Variants in ZNF81 observed in about 807,000 individuals in gnomAD.
ZNF81 encodes zinc finger protein 81 (HFZ20).
In ZNF81, 5 loss-of-function variants were observed where a neutral mutation model predicts 32.3. That is an observed-to-expected ratio of 0.15 (90% confidence interval 0.08 to 0.33). The LOEUF (loss-of-function observed/expected upper bound fraction) is 0.33, where lower values mean the gene tolerates loss of function less well. Ranked by LOEUF, ZNF81 falls within the 10% of genes least tolerant of loss-of-function variation. The probability of loss-of-function intolerance (pLI) is 1.00; values close to 1 mark genes in which losing one functional copy is unlikely to be tolerated. For missense variants in ZNF81, 379 were observed against 479.8 expected, an observed-to-expected ratio of 0.79 and a Z score of 1.96; for synonymous variants, 163 against 166.8, an observed-to-expected ratio of 0.98 and a Z score of 0.17.
At chrX:47,892,904 A>G (rs1369561994) in intron 3 of ZNF81, among the ~76,000 whole-genome samples, 1 of 112,270 alleles carries the variant, frequency 8.9e-6, no homozygotes, top group Non-Finnish European at 1.9e-5. Context: ...CTCTTAAGGG[A>G]ATTGGCAGTG....
At chrX:47,863,644 A>G (rs1386411798) in intron 2 of ZNF81, among the ~76,000 whole-genome samples, 2 of 112,002 alleles carry the variant, frequency 1.8e-5, no homozygotes, top group Non-Finnish European at 3.8e-5. Context: ...GTGATTGACT[A>G]TTCTACAAGG....
At chrX:47,882,015 G>A (rs1355457732) in intron 2 of ZNF81, among the ~76,000 whole-genome samples, 2 of 111,253 alleles carry the variant, frequency 1.8e-5, no homozygotes, top group African/African-American at 6.5e-5. Context: ...GGCCTCAAGC[G>A]ATCCTCCCAA....
chrX:47,841,020 C>T (rs539233401), intron 1 of ZNF81: 32 of 846,608 alleles, frequency 3.8e-5, no homozygotes, highest in African/African-American at 1.0e-4. Flanking sequence ...CAGGTGTGCC[C>T]GTCTCCTTGA....
Position 47,891,395 on chromosome X carries a change from G to T in ZNF81, c.181+3270G>T, listed in dbSNP as rs1373918027. Among the ~76,000 whole-genome samples, 4 of 112,289 alleles carry T rather than the reference G, an allele frequency of 3.6e-5. No individual in the cohort carries two copies. In the Admixed American group the frequency reaches 3.7e-4, roughly 11 times the overall value. On this transcript the variant is annotated intron_variant, in intron 3 of 4. Transcript: ENST00000338637. ...GGCAAGGTGAATGGGGATGTGGTGGGAATCACCATCCCTGCATCCCTCATA... is the reference window on the plus strand; with the variant it reads ...GGCAAGGTGAATGGGGATGTGGTGGTAATCACCATCCCTGCATCCCTCATA...
intron 1 of ZNF81, among the ~76,000 whole-genome samples, chrX:47,840,493 TTTTC>T (rs1211082185): frequency 9.1e-6 from 1 of 109,864 alleles, no homozygotes; most frequent in Non-Finnish European, 1.9e-5. Context: ...TCTTTCTTTC[TTTTC>T]TTTTTCTTTT....
chrX:47,922,789 C>T lies in ZNF81; in HGVS notation c.*6157C>T, dbSNP rs143789487. On this transcript the variant is annotated 3_prime_UTR_variant, in exon 5 of 5. Transcript: ENST00000338637. ...CTCATTGTTCTTGAGGCTGGAGATC[C>T]GAATCACGGTGTCAGCAGGGTCATG... Among the ~76,000 whole-genome samples, 200 of 111,613 alleles carry T rather than the reference C, an allele frequency of 1.8e-3. No homozygotes were observed. Among genetic ancestry groups the T allele is most frequent in the African/African-American group, 6.3e-3 (192 of 30,708 alleles).
chrX:47,909,591 G>GC (rs1270835627), intron 4 of ZNF81, among the ~76,000 whole-genome samples: 7 of 108,343 alleles, frequency 6.5e-5, no homozygotes, highest in Non-Finnish European at 1.2e-4. Context: ...GTTTATTGAG[G>GC]CTTTTTTTTC....
At chrX:47,886,854 C>G (rs2058643764) in intron 2 of ZNF81, among the ~76,000 whole-genome samples, 1 of 111,416 alleles carries the variant, frequency 9.0e-6, no homozygotes, top group African/African-American at 3.3e-5. Flanking sequence ...CCCATAGATG[C>G]CTGACTTGGG....
intron 4 of ZNF81, among the ~76,000 whole-genome samples, chrX:47,911,582 G>T (rs2058739461): frequency 9.0e-6 from 1 of 111,643 alleles, no homozygotes. Flanking sequence ...GATAAGAATA[G>T]AATTTTGCTG....
At chrX:47,856,800 A>T (rs1466427409) in intron 2 of ZNF81, among the ~76,000 whole-genome samples, 1 of 111,058 alleles carries the variant, frequency 9.0e-6, no homozygotes, top group African/African-American at 3.3e-5. Flanking sequence ...GAAAAATTAG[A>T]TGGTGCTCAC....
At chrX:47,847,267 C>T (rs1045847409) in intron 2 of ZNF81, among the ~76,000 whole-genome samples, 8 of 111,108 alleles carry the variant, frequency 7.2e-5, no homozygotes, top group Non-Finnish European at 9.4e-5. Context: ...CAGGTTGAAG[C>T]GCAGTGGCAC....
intron 1 of ZNF81, among the ~76,000 whole-genome samples, chrX:47,839,689 A>G (rs2058438891): frequency 8.9e-6 from 1 of 112,185 alleles, no homozygotes; most frequent in Non-Finnish European, 1.9e-5. Flanking sequence ...ATTTTGGATA[A>G]GAGACATTCA....
chrX:47,848,766 A>G (rs1234852248), intron 2 of ZNF81, among the ~76,000 whole-genome samples: 2 of 111,035 alleles, frequency 1.8e-5, no homozygotes, highest in Non-Finnish European at 3.8e-5. Context: ...GGGATGCCCA[A>G]CCTAAGTATA....
chrX:47,837,325 G>T (rs1212237360), intron 1 of ZNF81, among the ~76,000 whole-genome samples: 1 of 111,902 alleles, frequency 8.9e-6, no homozygotes, highest in Non-Finnish European at 1.9e-5. Context: ...AATATAAGGA[G>T]ACTTATGGCC....
At chrX:47,872,971 C>T (rs782234195) in intron 2 of ZNF81, among the ~76,000 whole-genome samples, 6 of 111,152 alleles carry the variant, frequency 5.4e-5, no homozygotes, top group Non-Finnish European at 7.5e-5. Context: ...TTTTCCAGCA[C>T]GGTGTGAGAT....
chrX:47,843,054 T>A (rs1165307907), intron 1 of ZNF81, among the ~76,000 whole-genome samples: 1 of 112,415 alleles, frequency 8.9e-6, no homozygotes, highest in Non-Finnish European at 1.9e-5. Context: ...TTAAACACCT[T>A]CCTATCTGGG....
chrX:47,854,422 C>T (rs781801767), intron 2 of ZNF81, among the ~76,000 whole-genome samples: 2 of 112,164 alleles, frequency 1.8e-5, no homozygotes, highest in Admixed American at 1.9e-4. Flanking sequence ...AAGAATTTTT[C>T]CTTTGCATTC....
At chrX:47,844,235 TTG>T (rs782647691) in intron 1 of ZNF81, among the ~76,000 whole-genome samples, 365 of 112,112 alleles carry the variant, frequency 3.3e-3, no homozygotes, top group Non-Finnish European at 5.6e-3. Flanking sequence ...ATTAACAGAG[TTG>T]TGCAGCCATC....
At position 47,923,986 on chromosome X, in the gene ZNF81, C is replaced by T. The variant is rs1442227467; in HGVS notation, c.*7354C>T. Among the ~76,000 whole-genome samples the T allele has an allele frequency of 9.0e-6, 1 of 111,574 alleles. No homozygotes were observed. Among genetic ancestry groups the T allele is most frequent in the Admixed American group, 9.5e-5 (1 of 10,485 alleles). On this transcript the variant is annotated 3_prime_UTR_variant, in exon 5 of 5. Coordinates refer to ENST00000338637, the MANE Select transcript of ZNF81 (RefSeq NM_007137.5). Reference sequence around the variant, plus strand: ...ATGCTTGGCTGCAGGCTCACAAAAGCTTCTCATGGACTTCTCCACCAGCTT... The same window carrying T: ...ATGCTTGGCTGCAGGCTCACAAAAGTTTCTCATGGACTTCTCCACCAGCTT...
Sources: allele counts gnomAD v4.1 joint callset (sites outside exome capture counted in the v4.1 genomes callset), GRCh38; gene constraint gnomAD v4.1.1; transcripts MANE v1.5; gene names NCBI Gene and HGNC (gene_info 2026-07-23, HGNC 2026-07-21).